OPHN1: variants seen among roughly 807,000 people sequenced by gnomAD.
OPHN1 encodes the protein oligophrenin-1.
In OPHN1, 11 loss-of-function variants were observed where a neutral mutation model predicts 60.7. The observed-to-expected ratio is 0.18, with a 90% CI of 0.11 to 0.30. The LOEUF (loss-of-function observed/expected upper bound fraction) is 0.30. OPHN1 is among the 10% of genes least tolerant of loss of function. OPHN1 has a pLI of 1.00. For synonymous variants in OPHN1, 226 were observed against 222.6 expected (o/e 1.02, Z -0.14); for missense variants, 449 against 611.0 (o/e 0.73, Z 2.80).
intron 2 of OPHN1, among the ~76,000 whole-genome samples, chrX:68,347,950 A>G (rs746834085): frequency 5.0e-4 from 56 of 112,100 alleles, no homozygotes; most frequent in Admixed American, 7.6e-4. Flanking sequence ...GCAACCTATC[A>G]AGGAATATAG....
chrX:68,065,665 T>C (rs2147362193), intron 20 of OPHN1, among the ~76,000 whole-genome samples: 1 of 111,826 alleles, frequency 8.9e-6, no homozygotes, highest in South Asian at 3.8e-4. Context: ...TCAAATTTTC[T>C]CCTCAGTAAA....
chrX:68,202,646 C>T (rs917077298), intron 10 of OPHN1, among the ~76,000 whole-genome samples: 11 of 109,231 alleles, frequency 1.0e-4, no homozygotes, highest in Non-Finnish European at 1.1e-4. Flanking sequence ...ATTACAGGTG[C>T]GCACCATGCC....
intron 5 of OPHN1, among the ~76,000 whole-genome samples, chrX:68,258,060 C>A (rs901139041): frequency 9.1e-6 from 1 of 109,320 alleles, no homozygotes; most frequent in Non-Finnish European, 1.9e-5. Flanking sequence ...TGGTTATAGA[C>A]GGGAAGAGAA....
intron 2 of OPHN1, among the ~76,000 whole-genome samples, chrX:68,422,421 G>A (rs2078830495): frequency 9.3e-6 from 1 of 107,580 alleles, no homozygotes; most frequent in South Asian, 4.3e-4. Flanking sequence ...TACTTGGGAG[G>A]CTGAGGTGGG....
intron 5 of OPHN1, among the ~76,000 whole-genome samples, chrX:68,243,511 C>T (rs1482017432): frequency 1.8e-5 from 2 of 111,229 alleles, no homozygotes; most frequent in Non-Finnish European, 3.8e-5. Flanking sequence ...CCTCAGCCTC[C>T]TGAGTAGCTG....
At chrX:68,091,605 C>A (rs186578701) in intron 19 of OPHN1, among the ~76,000 whole-genome samples, 111 of 110,493 alleles carry the variant, frequency 1.0e-3, no homozygotes, top group East Asian at 8.3e-3. Flanking sequence ...CTTTAGGGCC[C>A]CTTTCCAGTT....
chrX:68,247,607 G>A lies in OPHN1; in HGVS notation c.385-13019C>T, dbSNP rs1159200979. Among the ~76,000 whole-genome samples, 5 of 111,030 alleles carry A rather than the reference G, an allele frequency of 4.5e-5. No homozygotes were observed. In the Admixed American group the frequency reaches 4.9e-4, roughly 11 times the overall value. On this transcript the variant is annotated intron_variant, in intron 5 of 24. Transcript: ENST00000355520. ...TTATGTGCTAGCCATGTCCTTCCCA[G>A]AGTTACAGTAAATCAAGAATAAATT...
At chrX:68,331,615 C>T (rs1407432853) in intron 2 of OPHN1, among the ~76,000 whole-genome samples, 1 of 107,961 alleles carries the variant, frequency 9.3e-6, no homozygotes, top group East Asian at 2.9e-4. Context: ...CCTGTAATCC[C>T]AACTACCTGG....
chrX:68,178,859 T>C (rs2077425081), intron 15 of OPHN1, among the ~76,000 whole-genome samples: 2 of 112,503 alleles, frequency 1.8e-5, no homozygotes, highest in Non-Finnish European at 1.9e-5. Context: ...AGGTGATACA[T>C]ACATATAAAC....
intron 2 of OPHN1, among the ~76,000 whole-genome samples, chrX:68,305,454 G>A (rs1311763828): frequency 1.8e-5 from 2 of 112,218 alleles, no homozygotes; most frequent in Non-Finnish European, 3.8e-5. Flanking sequence ...AGAAAGACAT[G>A]GGTCATAAAA....
chrX:68,396,080 C>A (rs1210099939), intron 2 of OPHN1, among the ~76,000 whole-genome samples: 2 of 109,243 alleles, frequency 1.8e-5, no homozygotes, highest in African/African-American at 6.7e-5. Context: ...CTGGTGGGAC[C>A]CTCAAGCATT....
intron 11 of OPHN1, 28 bp downstream of exon 11, chrX:68,201,591 A>G (rs2077535399): frequency 8.7e-7 from 1 of 1,153,627 alleles, no homozygotes; most frequent in Non-Finnish European, 1.2e-6. Flanking sequence ...ACGTGGGGAC[A>G]TTGCCAATTC....
intron 2 of OPHN1, among the ~76,000 whole-genome samples, chrX:68,368,785 CTG>C (rs1320211785): frequency 8.9e-6 from 1 of 111,904 alleles, no homozygotes; most frequent in African/African-American, 3.2e-5. Context: ...TTCAGAAACT[CTG>C]TGTCAAAATT....
chrX:68,429,799 G>T (rs1222824486), intron 2 of OPHN1, among the ~76,000 whole-genome samples: 1 of 111,365 alleles, frequency 9.0e-6, no homozygotes, highest in Non-Finnish European at 1.9e-5. Flanking sequence ...ACTTTGGGAG[G>T]CCAAAGTGGA....
At chrX:68,173,788 C>T (rs1486320210) in intron 15 of OPHN1, among the ~76,000 whole-genome samples, 1 of 111,428 alleles carries the variant, frequency 9.0e-6, no homozygotes, top group African/African-American at 3.3e-5. Flanking sequence ...ACCACCATGG[C>T]ATGGATGAAT....
At chrX:68,422,541 AGGAAG>A (rs1279752592) in intron 2 of OPHN1, among the ~76,000 whole-genome samples, 6 of 97,158 alleles carry the variant, frequency 6.2e-5, no homozygotes, top group Non-Finnish European at 1.2e-4. Flanking sequence ...GAAAGAAGGA[AGGAAG>A]GGAAGGAGGG....
chrX:68,418,016 T>C (rs756029538), intron 2 of OPHN1, among the ~76,000 whole-genome samples: 1 of 112,528 alleles, frequency 8.9e-6, no homozygotes, highest in African/African-American at 3.2e-5. Context: ...GAAATCTCTA[T>C]AATGAGCTCT....
chrX:68,048,810 G>A (rs961613032), intron 23 of OPHN1, among the ~76,000 whole-genome samples: 1 of 111,915 alleles, frequency 8.9e-6, no homozygotes, highest in South Asian at 3.8e-4. Context: ...CCATGTGAAA[G>A]ATGAATCCTC....
intron 5 of OPHN1, among the ~76,000 whole-genome samples, chrX:68,247,690 G>A (rs888113338): frequency 1.1e-4 from 12 of 108,497 alleles, no homozygotes; most frequent in Admixed American, 3.0e-4. Flanking sequence ...AGGCCAAGGC[G>A]GGAGGATTGC....
Sources: allele counts gnomAD v4.1 joint callset (sites outside exome capture counted in the v4.1 genomes callset), GRCh38; gene constraint gnomAD v4.1.1; transcripts MANE v1.5; gene names NCBI Gene and HGNC (gene_info 2026-07-23, HGNC 2026-07-21).